The following ARHGAP5 variants were observed in gnomAD, a reference collection of about 807,000 sequenced individuals.
ARHGAP5 encodes rho GTPase-activating protein 5.
Under a neutral mutation model 116.6 loss-of-function variants are expected in ARHGAP5, and 23 were observed. The ratio of observed to expected loss-of-function variants is 0.20; its 90% CI spans 0.14 to 0.28. The LOEUF is 0.28. Among genes scored for constraint, ARHGAP5 ranks in the 10% least tolerant of loss-of-function variants. The pLI, the probability that ARHGAP5 is intolerant of heterozygous loss-of-function variation, is 1.00. For synonymous variants in ARHGAP5, 574 were observed against 602.0 expected (o/e 0.95, Z 0.68); for missense variants, 1,405 against 1,774.8 (o/e 0.79, Z 3.74).
At chr14:32,127,211 G>A (rs1358984551) in intron 3 of ARHGAP5, among the ~76,000 whole-genome samples, 1 of 151,464 alleles carries the variant, frequency 6.6e-6, no homozygotes, top group Non-Finnish European at 1.5e-5. Flanking sequence ...ATTCTTGGGT[G>A]TTTCTGGGAG....
Position 32,093,022 on chromosome 14 carries a change from A to G in ARHGAP5, c.2353A>G (p.Met785Val), listed in dbSNP as rs1164419737. 5 of 1,613,934 alleles carry G rather than the reference A, an allele frequency of 3.1e-6. No homozygotes were observed. Among genetic ancestry groups the G allele is most frequent in the Non-Finnish European group, 4.2e-6 (5 of 1,179,966 alleles). ...EADLRIVMCA[M>V]CGDPFSVDLI... ...TGACTTGAGAATTGTCATGTGCGCC[A>G]TGTGTGGAGATCCATTTAGTGTGGA... The change falls in exon 2 of 7, where the codon ATG (methionine) becomes GTG (valine). Residue 785 changes from methionine to valine, a missense_variant. By Grantham distance (21) the Met-to-Val change is conservative. Transcript: ENST00000345122.
chr14:32,127,547 A>T (rs1880233464), intron 3 of ARHGAP5, among the ~76,000 whole-genome samples: 1 of 152,230 alleles, frequency 6.6e-6, no homozygotes. Flanking sequence ...AGTACAGAAC[A>T]AAATGGAGTC....
intron 2 of ARHGAP5, among the ~76,000 whole-genome samples, chr14:32,109,715 A>G (rs1879192222): frequency 6.6e-6 from 1 of 152,112 alleles, no homozygotes; most frequent in Admixed American, 6.6e-5. Context: ...AAACTATTAT[A>G]ATTTAAATAT....
Position 32,084,267 on chromosome 14 carries a change from G to A in ARHGAP5, c.-168-6235G>A, listed in dbSNP as rs377198841. Among the ~76,000 whole-genome samples the A allele has an allele frequency of 3.9e-5, 6 of 152,218 alleles. No homozygotes were observed. In the East Asian group the frequency reaches 7.7e-4, roughly 20 times the overall value. On this transcript the variant is annotated intron_variant, in intron 1 of 6. Transcript: ENST00000345122. ...AATTACCTTTGCTGCGTGGGTTTGC[G>A]GAGCTCCCAGAGTACTGCCTACTTG...
At chr14:32,154,454 A>T in intron 6 of ARHGAP5, 167 bp from the exon 7 acceptor site, 1 of 643,438 alleles carries the variant, frequency 1.6e-6, no homozygotes, top group East Asian at 2.8e-5. Context: ...TGGCCCAGGA[A>T]AAGTTTTTTA....
intron 2 of ARHGAP5, among the ~76,000 whole-genome samples, chr14:32,111,839 A>ATTTTTTTTTTTTTTTTTTTTTTT: frequency 1.1e-5 from 1 of 93,176 alleles, no homozygotes; most frequent in Non-Finnish European, 2.1e-5. Flanking sequence ...TTCTTCTTTG[A>ATTTTTTTTTTTTTTTTTTTTTTT]TTTTTTTTTT....
rs186817627 is a variant in ARHGAP5, at chr14:32,129,742, A to G, written c.3865+12455A>G. ...CCCTACCTTGTCTGGATATTTCTCAATCCATTTTTATGTTCACTCCCTTGC... is the reference window on the plus strand; with the variant it reads ...CCCTACCTTGTCTGGATATTTCTCAGTCCATTTTTATGTTCACTCCCTTGC... On this transcript the variant is annotated intron_variant, in intron 3 of 6. Transcript: ENST00000345122. Among the ~76,000 whole-genome samples the G allele has an allele frequency of 1.5e-4, 23 of 151,950 alleles. 1 individual carries two copies. The highest frequency in any genetic ancestry group is 1.4e-3 in the East Asian group (7 of 5,172).
rs1881936552 is a variant in ARHGAP5, at chr14:32,157,370, C to CT, written c.*2424dup. ...CTGTTTAGGGACCTATCATATGAGA[C>CT]TTCTTAAAGGATTAAAAGAATAGGA... On this transcript the variant is annotated 3_prime_UTR_variant, in exon 7 of 7. Transcript: ENST00000345122. 6.6e-6 allele frequency: 1 copy of CT among 152,192 alleles called. No homozygotes were observed. Among genetic ancestry groups the CT allele is most frequent in the Non-Finnish European group, 1.5e-5 (1 of 67,746 alleles). The allele number at this position is 152,192 out of a possible 1,614,324, so 9.4% of individuals were successfully genotyped here. A position where few individuals can be genotyped will look rare whatever the true frequency, so the allele number is the denominator to read the frequency against.
chr14:32,108,056 A>T (rs994400856), intron 2 of ARHGAP5, among the ~76,000 whole-genome samples: 7 of 152,182 alleles, frequency 4.6e-5, no homozygotes, highest in African/African-American at 1.7e-4. Flanking sequence ...TTCAAGAAAG[A>T]ATGTTGCTGA....
chr14:32,098,780 C>G (rs1414921683), intron 2 of ARHGAP5, among the ~76,000 whole-genome samples: 5 of 152,230 alleles, frequency 3.3e-5, no homozygotes, highest in Non-Finnish European at 5.9e-5. Context: ...AATTTGCTGA[C>G]TCTCTAGGGG....
chr14:32,154,816 C>T lies in ARHGAP5; in HGVS notation c.4377C>T (p.Asn1459=), dbSNP rs1212532479. ...FYNGEIVETT[N]IVAPPPPSNP... ...ATGGAGAAATTGTAGAAACGACAAA[C>T]ATTGTGGCTCCTCCACCACCTTCAA... The change falls in exon 7 of 7, where the codon AAC becomes AAT. Residue 1459 remains asparagine (N), a synonymous_variant. Coordinates refer to ENST00000345122, the MANE Select transcript of ARHGAP5 (RefSeq NM_001030055.2). The T allele has an allele frequency of 6.8e-6, 11 of 1,614,020 alleles. No individual in the cohort carries two copies. The highest frequency in any genetic ancestry group is 9.3e-6 in the Non-Finnish European group (11 of 1,180,018).
At chr14:32,096,522 A>G (rs562901694) in intron 2 of ARHGAP5, among the ~76,000 whole-genome samples, 49 of 152,362 alleles carry the variant, frequency 3.2e-4, no homozygotes, top group African/African-American at 1.2e-3. Flanking sequence ...AGATCAGATT[A>G]AAAGATAATA....
intron 3 of ARHGAP5, among the ~76,000 whole-genome samples, chr14:32,144,393 A>G (rs1353009937): frequency 1.3e-5 from 2 of 151,810 alleles, no homozygotes; most frequent in Non-Finnish European, 2.9e-5. Context: ...TATTTTGGTC[A>G]TCTTTATCTT....
chr14:32,100,296 T>C (rs890471931), intron 2 of ARHGAP5, among the ~76,000 whole-genome samples: 4 of 152,012 alleles, frequency 2.6e-5, no homozygotes, highest in African/African-American at 9.7e-5. Context: ...GACCCCTGGG[T>C]TCAAGTGATC....
intron 2 of ARHGAP5, among the ~76,000 whole-genome samples, chr14:32,109,578 A>G (rs1191478029): frequency 6.6e-6 from 1 of 152,120 alleles, no homozygotes; most frequent in African/African-American, 2.4e-5. Flanking sequence ...TAGCCATACC[A>G]CTGTTAATTA....
intron 2 of ARHGAP5, among the ~76,000 whole-genome samples, chr14:32,108,980 A>G (rs1879153923): frequency 1.3e-5 from 2 of 152,156 alleles, no homozygotes; most frequent in African/African-American, 4.8e-5. Flanking sequence ...TTTCCATAGA[A>G]GTTTACTTAT....
chr14:32,112,341 T>G (rs1004931904), intron 2 of ARHGAP5, among the ~76,000 whole-genome samples: 2 of 152,194 alleles, frequency 1.3e-5, no homozygotes, highest in Non-Finnish European at 2.9e-5. Flanking sequence ...GTTGCTGGTA[T>G]TAAGTAGGAA....
At chr14:32,134,297 A>G (rs943738103) in intron 3 of ARHGAP5, among the ~76,000 whole-genome samples, 8 of 152,230 alleles carry the variant, frequency 5.3e-5, no homozygotes, top group Non-Finnish European at 8.8e-5. Flanking sequence ...TTTTAGTTCA[A>G]TAAACTGAAT....
chr14:32,136,046 G>A (rs1880771969), intron 3 of ARHGAP5, among the ~76,000 whole-genome samples: 1 of 152,114 alleles, frequency 6.6e-6, no homozygotes, highest in South Asian at 2.1e-4. Flanking sequence ...TAATTCAGTG[G>A]GAGCTAGGTT....
Sources: gnomAD v4.1 joint callset for allele counts (sites outside exome capture counted in the v4.1 genomes callset) on GRCh38, gnomAD v4.1.1 for gene constraint, MANE v1.5 for transcripts, NCBI Gene and HGNC (gene_info 2026-07-23, HGNC 2026-07-21) for gene names.